The following MAST4 variants were observed in gnomAD, a reference collection of about 807,000 sequenced individuals.
The protein encoded by MAST4 is microtubule associated serine/threonine kinase family member 4.
In MAST4, 89 loss-of-function variants were observed where a neutral mutation model predicts 162.7. The observed-to-expected ratio is 0.55, with a 90% CI of 0.46 to 0.65. MAST4 has a LOEUF of 0.65. Ranked by LOEUF, MAST4 falls within the 30% of genes least tolerant of loss-of-function variation. The probability of loss-of-function intolerance (pLI) is 0.00; values close to 1 mark genes in which losing one functional copy is unlikely to be tolerated. For synonymous variants in MAST4, 1,479 were observed against 1,361.1 expected, an observed-to-expected ratio of 1.09 and a Z score of -1.91; for missense variants, 3,153 against 3,374.0, an observed-to-expected ratio of 0.93 and a Z score of 1.62.
chr5:67,037,554 C>T (rs997882906), intron 4 of MAST4, among the ~76,000 whole-genome samples: 6 of 152,136 alleles, frequency 3.9e-5, no homozygotes, highest in Admixed American at 2.0e-4. Context: ...ATTCCTGGAT[C>T]TTATCAATTT....
chr5:66,912,459 A>G lies in MAST4; in HGVS notation c.674+12477A>G, dbSNP rs543862223. On this transcript the variant is annotated intron_variant, in intron 4 of 28. Transcript: ENST00000403625. ...TAAATGCTAAAACCAGTCCTTGTGGATTAAAGAAGCACTTGGAAGCAATGA... is the reference window on the plus strand; with the variant it reads ...TAAATGCTAAAACCAGTCCTTGTGGGTTAAAGAAGCACTTGGAAGCAATGA... Among the ~76,000 whole-genome samples, 3 of 152,352 alleles carry G rather than the reference A, an allele frequency of 2.0e-5. No individual in the cohort carries two copies. The South Asian group carries it at 6.2e-4, about 32-fold the overall frequency.
chr5:66,861,124 T>TGGTAGGGCCACAG (rs1760083374), intron 3 of MAST4, among the ~76,000 whole-genome samples: 1 of 152,246 alleles, frequency 6.6e-6, no homozygotes, highest in East Asian at 1.9e-4. Context: ...ACATGTGATT[T>TGGTAGGGCCACAG]ATTTCGGTGA....
At chr5:66,821,767 G>C (rs1216323732) in intron 3 of MAST4, among the ~76,000 whole-genome samples, 1 of 152,194 alleles carries the variant, frequency 6.6e-6, no homozygotes, top group African/African-American at 2.4e-5. Flanking sequence ...AGGAGGGGCT[G>C]CTGGGAAACC....
chr5:67,160,622 T>C, intron 27 of MAST4, 30 bp downstream of exon 27: 1 of 1,608,868 alleles, frequency 6.2e-7, no homozygotes, highest in Non-Finnish European at 8.5e-7. Context: ...TTTTTAAGTT[T>C]GGTGTATACC....
At chr5:66,686,026 T>A (rs576086704) in intron 1 of MAST4, among the ~76,000 whole-genome samples, 2 of 152,234 alleles carry the variant, frequency 1.3e-5, no homozygotes, top group South Asian at 4.2e-4. Context: ...CGGTAATGCT[T>A]GCTCACCTGT....
At chr5:67,146,450 T>G (rs1038610490) in intron 23 of MAST4, among the ~76,000 whole-genome samples, 2 of 152,212 alleles carry the variant, frequency 1.3e-5, no homozygotes, top group African/African-American at 4.8e-5. Flanking sequence ...TTATGCTTTT[T>G]CAAAAAATGA....
intron 4 of MAST4, among the ~76,000 whole-genome samples, chr5:66,918,672 GACAA>G (rs1207699442): frequency 3.0e-5 from 2 of 65,862 alleles, no homozygotes; most frequent in Non-Finnish European, 4.8e-5. Flanking sequence ...TACAAATAAA[GACAA>G]ACAAATGTGA....
At chr5:67,012,227 C>T (rs1458235247) in intron 4 of MAST4, among the ~76,000 whole-genome samples, 1 of 152,136 alleles carries the variant, frequency 6.6e-6, no homozygotes, top group African/African-American at 2.4e-5. Context: ...TAAAGATTGA[C>T]AGGTGTTGGG....
chr5:66,706,910 T>C (rs1404468455), intron 1 of MAST4, among the ~76,000 whole-genome samples: 1 of 152,174 alleles, frequency 6.6e-6, no homozygotes, highest in Non-Finnish European at 1.5e-5. Context: ...TATGTTAGAG[T>C]TCGTAGTCAA....
intron 1 of MAST4, among the ~76,000 whole-genome samples, chr5:66,724,393 G>A (rs1751392934): frequency 1.3e-5 from 2 of 152,274 alleles, no homozygotes; most frequent in Admixed American, 1.3e-4. Flanking sequence ...ATCCAGGTGG[G>A]ATTCTGGCCA....
intron 5 of MAST4, among the ~76,000 whole-genome samples, chr5:67,086,869 C>T (rs1246538168): frequency 1.3e-5 from 2 of 152,230 alleles, no homozygotes; most frequent in Admixed American, 1.3e-4. Flanking sequence ...GTCAAGTCCT[C>T]ATCGCTGAGT....
intron 1 of MAST4, among the ~76,000 whole-genome samples, chr5:66,637,805 A>G (rs1745221363): frequency 6.6e-6 from 1 of 151,942 alleles, no homozygotes; most frequent in Non-Finnish European, 1.5e-5. Flanking sequence ...TCCTAGGTTC[A>G]AATTATCTGA....
intron 5 of MAST4, among the ~76,000 whole-genome samples, chr5:67,070,562 TTA>T (rs201627332): frequency 0.01 from 1,577 of 152,336 alleles, 36 homozygotes; most frequent in African/African-American, 0.036. Context: ...ACTTGTGAGT[TTA>T]TGTTTGATAG....
chr5:67,042,585 C>T (rs1239768939), intron 4 of MAST4, among the ~76,000 whole-genome samples: 1 of 151,934 alleles, frequency 6.6e-6, no homozygotes, highest in Non-Finnish European at 1.5e-5. Flanking sequence ...AGACTACTTC[C>T]CTTTTCGTGT....
At chr5:66,673,247 A>G (rs577959704) in intron 1 of MAST4, among the ~76,000 whole-genome samples, 1 of 152,212 alleles carries the variant, frequency 6.6e-6, no homozygotes, top group Admixed American at 6.5e-5. Flanking sequence ...GCTGCTTATA[A>G]ATTAACTTTG....
chr5:66,966,474 G>C (rs1052833103), intron 4 of MAST4, among the ~76,000 whole-genome samples: 1 of 152,238 alleles, frequency 6.6e-6, no homozygotes, highest in African/African-American at 2.4e-5. Flanking sequence ...ACTCATAGAT[G>C]AAGGGTTTGC....
intron 1 of MAST4, among the ~76,000 whole-genome samples, chr5:66,611,303 G>C (rs1180991812): frequency 6.6e-6 from 1 of 152,238 alleles, no homozygotes; most frequent in South Asian, 2.1e-4. Flanking sequence ...ACACTCAAGT[G>C]TGTGTTTTTA....
intron 1 of MAST4, among the ~76,000 whole-genome samples, chr5:66,626,649 T>TTAAAG (rs1744449232): frequency 6.6e-6 from 1 of 152,238 alleles, no homozygotes; most frequent in African/African-American, 2.4e-5. Context: ...TAAGCAGTGT[T>TTAAAG]TCCTGTATCT....
intron 4 of MAST4, among the ~76,000 whole-genome samples, chr5:66,907,166 A>C (rs1250773125): frequency 2.9e-5 from 1 of 34,896 alleles, no homozygotes; most frequent in African/African-American, 1.1e-4. Flanking sequence ...AGCGAGAGAG[A>C]GAGAGAGAGA....
Sources: gnomAD v4.1 joint callset for allele counts (sites outside exome capture counted in the v4.1 genomes callset) on GRCh38, gnomAD v4.1.1 for gene constraint, MANE v1.5 for transcripts, NCBI Gene and HGNC (gene_info 2026-07-23, HGNC 2026-07-21) for gene names.